Variants in HPCAL1 observed in about 807,000 individuals in gnomAD.
HPCAL1 encodes the protein hippocalcin like 1.
Under a neutral mutation model 17.1 loss-of-function variants are expected in HPCAL1, and 8 were observed. The observed-to-expected ratio is 0.47, with a 90% CI of 0.27 to 0.84. The LOEUF (loss-of-function observed/expected upper bound fraction) is 0.84. Among genes scored for constraint, HPCAL1 ranks in the 40% least tolerant of loss-of-function variants. The probability of loss-of-function intolerance (pLI) is 0.13; values close to 1 mark genes in which losing one functional copy is unlikely to be tolerated. For synonymous variants in HPCAL1, 112 were observed against 111.4 expected, an observed-to-expected ratio of 1.01 and a Z score of -0.03; for missense variants, 165 against 271.1, an observed-to-expected ratio of 0.61 and a Z score of 2.75.
At position 10,321,078 on chromosome 2, in the gene HPCAL1, C is replaced by T. The variant is rs544029836; in HGVS notation, c.-111+17901C>T. Among the ~76,000 whole-genome samples, 3 of 152,122 alleles carry T rather than the reference C, an allele frequency of 2.0e-5. No homozygotes were observed. In the South Asian group the frequency reaches 6.2e-4, roughly 32 times the overall value. The stretch of plus-strand genomic sequence containing the variant: ...TTTAATTGTCTCACGGTTCTTCAGG[C>T]TGTACAGGAAGCATGGTGCTGGCAT... On this transcript the variant is annotated intron_variant, in intron 1 of 4. Transcript: ENST00000307845.
intron 3 of HPCAL1, 137 bp from the exon 4 acceptor site, chr2:10,422,846 C>G (rs1044826149): frequency 3.2e-6 from 2 of 624,328 alleles, no homozygotes; most frequent in African/African-American, 3.7e-5. Flanking sequence ...ATTCTCCCCA[C>G]TGGGGAAGGG....
chr2:10,424,452 G>C, intron 4 of HPCAL1: 1 of 467,386 alleles, frequency 2.1e-6, no homozygotes, highest in South Asian at 1.6e-5. Context: ...TGAGGTTTCA[G>C]CGAGATGATG....
intron 2 of HPCAL1, among the ~76,000 whole-genome samples, chr2:10,397,427 T>C (rs941293755): frequency 6.6e-6 from 1 of 151,818 alleles, no homozygotes; most frequent in South Asian, 2.1e-4. Flanking sequence ...CTGTCTGCGC[T>C]GGGAGCTGGG....
chr2:10,308,417 C>T (rs999352835), intron 1 of HPCAL1, among the ~76,000 whole-genome samples: 1 of 152,138 alleles, frequency 6.6e-6, no homozygotes, highest in Admixed American at 6.5e-5. Context: ...TGTACAAACT[C>T]CCTGTCCCCG....
intron 2 of HPCAL1, among the ~76,000 whole-genome samples, chr2:10,398,478 A>G (rs1016619198): frequency 1.8e-4 from 28 of 152,192 alleles, no homozygotes; most frequent in Admixed American, 1.8e-3. Context: ...TTCAGTGTTC[A>G]TGATGGGGTT....
chr2:10,373,292 A>C (rs2125517619), intron 1 of HPCAL1, among the ~76,000 whole-genome samples: 1 of 152,252 alleles, frequency 6.6e-6, no homozygotes, highest in Admixed American at 6.5e-5. Context: ...TGAGAGGCAG[A>C]TGGGGAAACT....
In HPCAL1 at chr2:10,372,036, A is replaced by G. The variant is rs149715036; in HGVS notation, c.-110-24799A>G. Among the ~76,000 whole-genome samples, 100 of 152,364 alleles carry G rather than the reference A, an allele frequency of 6.6e-4. No homozygotes were observed. In the East Asian group the frequency reaches 0.016, roughly 24 times the overall value. On this transcript the variant is annotated intron_variant, in intron 1 of 4. Transcript: ENST00000307845. ...CCTGATTATTTTTGCAGATGAAGGA[A>G]TACACACAATGGTCATCTTTGTCTT...
rs991444380 is a variant in HPCAL1, at chr2:10,362,423, C to T, written c.-110-34412C>T. Among the ~76,000 whole-genome samples, 2 of 152,150 alleles carry T rather than the reference C, an allele frequency of 1.3e-5. No individual in the cohort carries two copies. Among genetic ancestry groups the T allele is most frequent in the Non-Finnish European group, 2.9e-5 (2 of 68,020 alleles). ...CTCCAGAGAGAGGCCAGCCTGAGCT[C>T]CTCCATGTCCTACTCCTGTGGATAG... is the stretch of plus-strand genomic sequence containing the variant. On this transcript the variant is annotated intron_variant, in intron 1 of 4. Transcript: ENST00000307845. The surrounding 1 kb of genome is among the most constrained non-coding windows in gnomAD (Gnocchi z 5.0).
intron 1 of HPCAL1, among the ~76,000 whole-genome samples, chr2:10,372,588 G>A (rs888086109): frequency 3.3e-5 from 5 of 152,172 alleles, no homozygotes; most frequent in African/African-American, 9.7e-5. Flanking sequence ...CCCAGCAGCC[G>A]GGGCCTGAAG....
Position 10,377,813 on chromosome 2 carries a change from G to A in HPCAL1, c.-110-19022G>A, listed in dbSNP as rs541692030. ...ACCAGAATCCCCATCCCCATCCCCA[G>A]GGTGGTGAGCCACCGAGGGGGGCCA... On this transcript the variant is annotated intron_variant, in intron 1 of 4. Coordinates refer to ENST00000307845, the MANE Select transcript of HPCAL1 (RefSeq NM_002149.4). The surrounding 1 kb of genome is among the most constrained non-coding windows in gnomAD (Gnocchi z 5.9). 3.3e-5 allele frequency among the ~76,000 whole-genome samples: 5 copies of A among 152,334 alleles called. No individual in the cohort carries two copies. In the South Asian group the frequency reaches 1.0e-3, roughly 32 times the overall value.
chr2:10,305,343 A>C (rs1292543327), intron 1 of HPCAL1, among the ~76,000 whole-genome samples: 1 of 152,196 alleles, frequency 6.6e-6, no homozygotes, highest in Admixed American at 6.5e-5. Context: ...TGTCTCAAGC[A>C]AGCCAGTGTT....
chr2:10,366,071 G>T (rs912821440), intron 1 of HPCAL1, among the ~76,000 whole-genome samples: 1 of 152,064 alleles, frequency 6.6e-6, no homozygotes, highest in Non-Finnish European at 1.5e-5. Flanking sequence ...CGTGGTTGCC[G>T]CTGCCTCCCT....
chr2:10,352,215 GGTGT>G (rs1332958536), intron 1 of HPCAL1, among the ~76,000 whole-genome samples: 1 of 152,048 alleles, frequency 6.6e-6, no homozygotes, highest in Non-Finnish European at 1.5e-5. Context: ...TGAATTGTAT[GGTGT>G]GTGAACCGCA....
intron 1 of HPCAL1, among the ~76,000 whole-genome samples, chr2:10,374,059 C>G (rs1667393608): frequency 6.6e-6 from 1 of 152,174 alleles, no homozygotes; most frequent in South Asian, 2.1e-4. Flanking sequence ...GGTGGCCTGG[C>G]CCGGCCCGCC....
chr2:10,364,603 G>C (rs1666731715), intron 1 of HPCAL1, among the ~76,000 whole-genome samples: 1 of 148,908 alleles, frequency 6.7e-6, no homozygotes, highest in South Asian at 2.1e-4. Flanking sequence ...TTTTTTTTTG[G>C]AGACAGTGGC....
intron 1 of HPCAL1, among the ~76,000 whole-genome samples, chr2:10,373,048 C>T (rs1290971304): frequency 6.6e-6 from 1 of 152,246 alleles, no homozygotes; most frequent in Non-Finnish European, 1.5e-5. Flanking sequence ...GAGCCCTGGG[C>T]AGTGTTCTGA....
chr2:10,326,207 A>T (rs1435038787), intron 1 of HPCAL1, among the ~76,000 whole-genome samples: 1 of 152,218 alleles, frequency 6.6e-6, no homozygotes, highest in Non-Finnish European at 1.5e-5. Flanking sequence ...AACGTTCGTT[A>T]ACTTAGCCAT....
At position 10,321,161 on chromosome 2, in the gene HPCAL1, G is replaced by T. The variant is rs955934363; in HGVS notation, c.-111+17984G>T. ...ACAATCATGGCGGAAGGTGACGGGG[G>T]AGCAGGCACGTCACATGGAGAAAGC... On this transcript the variant is annotated intron_variant, in intron 1 of 4. Coordinates refer to ENST00000307845, the MANE Select transcript of HPCAL1 (RefSeq NM_002149.4). Among the ~76,000 whole-genome samples, 4 of 152,320 alleles carry T rather than the reference G, an allele frequency of 2.6e-5. No individual in the cohort carries two copies. In the South Asian group the frequency reaches 6.2e-4, roughly 24 times the overall value.
chr2:10,343,264 C>A lies in HPCAL1; in HGVS notation c.-111+40087C>A, dbSNP rs1665206977. Among the ~76,000 whole-genome samples the A allele has an allele frequency of 6.6e-6, 1 of 152,332 alleles. No individual in the cohort carries two copies. The highest frequency in any genetic ancestry group is 2.1e-4 in the South Asian group (1 of 4,830). On this transcript the variant is annotated intron_variant, in intron 1 of 4. Transcript: ENST00000307845. The surrounding 1 kb of genome is among the most constrained non-coding windows in gnomAD (Gnocchi z 4.8). The stretch of plus-strand genomic sequence containing the variant: ...GCCTGCCCCGTCCCCATAAAACACA[C>A]CACATTCAAATTACTTATCTCCTCT...
Sources: gnomAD v4.1 joint callset for allele counts (sites outside exome capture counted in the v4.1 genomes callset) on GRCh38, gnomAD v4.1.1 for gene constraint, Gnocchi (gnomAD v3.1) non-coding constraint, MANE v1.5 for transcripts, NCBI Gene and HGNC (gene_info 2026-07-23, HGNC 2026-07-21) for gene names.